Variants in ZNF546 observed in about 807,000 individuals in gnomAD.
ZNF546 encodes CTC-471F3.6.
In ZNF546, 60 loss-of-function variants were observed where a neutral mutation model predicts 76.2. The observed-to-expected ratio is 0.79, with a 90% CI of 0.64 to 0.98. The LOEUF is 0.98. Among genes scored for constraint, ZNF546 ranks in the 50% least tolerant of loss-of-function variants. The pLI is 0.00. For synonymous variants in ZNF546, 277 were observed against 328.1 expected (o/e 0.84, Z 1.68); for missense variants, 936 against 1,035.6 (o/e 0.90, Z 1.32).
Position 40,015,342 on chromosome 19 carries a change from A to T in ZNF546, c.2072A>T (p.Lys691Met), listed in dbSNP as rs1599746272. 6.2e-7 allele frequency: 1 copy of T among 1,614,194 alleles called. No homozygotes were observed. The highest frequency in any genetic ancestry group is 1.1e-5 in the South Asian group (1 of 91,084). The change falls in exon 7 of 7, where the codon AAG (lysine) becomes ATG (methionine). Residue 691 changes from lysine (K) to methionine (M), a missense_variant. Coordinates refer to ENST00000347077, the MANE Select transcript of ZNF546 (RefSeq NM_178544.5). ...CATCACAGAGGCCATACTGGTGAGA[A>T]GCCCTACATATGTAATGAATGTGGG... ...TQHHRGHTGE[K>M]PYICNECGNA...
At chr19:40,001,214 G>A (rs1971525216) in intron 3 of ZNF546, among the ~76,000 whole-genome samples, 1 of 152,190 alleles carries the variant, frequency 6.6e-6, no homozygotes. Context: ...CTCACCTTCT[G>A]CTGTGTGGCA....
rs760357913 is a variant in ZNF546, at chr19:40,015,101, T to C, written c.1831T>C (p.Cys611Arg). 3 of 1,614,068 alleles carry C rather than the reference T, an allele frequency of 1.9e-6. No homozygotes were observed. The highest frequency in any genetic ancestry group is 2.2e-5 in the East Asian group (1 of 44,876). Residue 611 changes from cysteine (C) to arginine (R), a missense_variant, in exon 7 of 7, where the codon TGT becomes CGT. Physicochemically the swap from Cys to Arg is radical, Grantham distance 180. Coordinates refer to ENST00000347077, the MANE Select transcript of ZNF546 (RefSeq NM_178544.5). ...TCATACTGGTGAAAAACCCTACATATGTAATGAATGTGGGAAAGCCTTTCG... is the reference window on the plus strand; with the variant it reads ...TCATACTGGTGAAAAACCCTACATACGTAATGAATGTGGGAAAGCCTTTCG... The part of the protein sequence containing the change: ...KIHTGEKPYI[C>R]NECGKAFRFQ...
Position 40,013,652 on chromosome 19 carries a change from T to TTC in ZNF546, c.395-12_395-11insCT. Reference sequence around the variant, plus strand: ...TGTTTACTCTTTGCTTTTTTTTTTTTTTTTTTTTGCAGATTTGGAATACAA... The same window carrying TTC: ...TGTTTACTCTTTGCTTTTTTTTTTTTTCTTTTTTTTGCAGATTTGGAATACAA... On this transcript the variant is annotated splice_polypyrimidine_tract_variant and intron_variant, in intron 6 of 6. Transcript: ENST00000347077. 7.2e-7 allele frequency: 1 copy of TTC among 1,390,510 alleles called. No individual in the cohort carries two copies. Among genetic ancestry groups the TTC allele is most frequent in the South Asian group, 1.8e-5 (1 of 56,226 alleles). 86.1% of individuals were successfully genotyped at this position (1,390,510 alleles called of 1,614,324 possible).
Position 40,014,133 on chromosome 19 carries a change from T to G in ZNF546, c.863T>G (p.Leu288Arg), listed in dbSNP as rs761522759. 2.5e-6 allele frequency: 4 copies of G among 1,614,008 alleles called. No homozygotes were observed. In the African/African-American group the frequency reaches 5.3e-5, roughly 22 times the overall value. Reference sequence around the variant, plus strand: ...AAGGCCTTTAGACTTCATTATCACCTTACTGAACATCAGAGAATACATTCT... The same window carrying G: ...AAGGCCTTTAGACTTCATTATCACCGTACTGAACATCAGAGAATACATTCT... ...CGKAFRLHYH[L>R]TEHQRIHSGV... The change falls in exon 7 of 7, where the codon CTT becomes CGT. Residue 288 changes from leucine to arginine, a missense_variant. Coordinates refer to ENST00000347077, the MANE Select transcript of ZNF546 (RefSeq NM_178544.5).
Position 40,019,020 on chromosome 19 carries a change from T to C in ZNF546, c.*3239T>C, listed in dbSNP as rs1440696212. The C allele has an allele frequency of 1.3e-5, 2 of 152,258 alleles. No individual in the cohort carries two copies. Among genetic ancestry groups the C allele is most frequent in the Admixed American group, 6.5e-5 (1 of 15,282 alleles). The allele number at this position is 152,258 out of a possible 1,614,324, so 9.4% of individuals were successfully genotyped here. ...CTTCATATGGTAATCACCAGGTTTCTCTGTTGTAGAGCTAAATATTTCTTT... is the reference window on the plus strand; with the variant it reads ...CTTCATATGGTAATCACCAGGTTTCCCTGTTGTAGAGCTAAATATTTCTTT... On this transcript the variant is annotated 3_prime_UTR_variant, in exon 7 of 7. Coordinates refer to ENST00000347077, the MANE Select transcript of ZNF546 (RefSeq NM_178544.5).
At chr19:40,005,906 A>T (rs4802067) in intron 3 of ZNF546, among the ~76,000 whole-genome samples, 190 bp from the exon 4 acceptor site, 2,350 of 152,274 alleles carry the variant, frequency 0.015, 173 homozygotes, top group Admixed American at 0.13. Flanking sequence ...TTTTGTTGTC[A>T]TCACCTGGCA....
chr19:40,015,592 G>A lies in ZNF546; in HGVS notation c.2322G>A (p.Glu774=). 6.2e-7 allele frequency: 1 copy of A among 1,613,326 alleles called. No individual in the cohort carries two copies. The highest frequency in any genetic ancestry group is 8.5e-7 in the Non-Finnish European group (1 of 1,179,820). The change falls in exon 7 of 7, where the codon GAG becomes GAA. Residue 774 remains glutamate (E), a synonymous_variant. Coordinates refer to ENST00000347077, the MANE Select transcript of ZNF546 (RefSeq NM_178544.5). ...GACATCACATAGTTCACACGGGTGA[G>A]AAACCCTATAAATGTAAAGAATGTG... The part of the protein sequence containing the change: ...LTRHHIVHTG[E]KPYKCKECGK...
rs766760233 is a variant in ZNF546 at position 40,007,380 on chromosome 19, A to G, written c.278A>G (p.Tyr93Cys). The change falls in exon 5 of 7, where the codon TAC becomes TGC. Residue 93 changes from tyrosine to cysteine, a missense_variant. Coordinates refer to ENST00000347077, the MANE Select transcript of ZNF546 (RefSeq NM_178544.5). ...TACAAGGATGTGATGTTGGAGAACT[A>G]CAGCAACCTGGTCTCACTGGGTAAG... The part of the protein sequence containing the change: ...DLYKDVMLEN[Y>C]SNLVSLGYTI... 3 of 1,601,018 alleles carry G rather than the reference A, an allele frequency of 1.9e-6. No individual in the cohort carries two copies. In the East Asian group the frequency reaches 6.8e-5, roughly 36 times the overall value.
intron 1 of ZNF546, 64 bp from the exon 2 acceptor site, chr19:39,997,797 C>CT (rs1971474341): frequency 6.3e-6 from 1 of 157,850 alleles, no homozygotes; most frequent in East Asian, 1.8e-4. Flanking sequence ...GGTCTGTGCT[C>CT]TTAAGAAAGG....
chr19:40,014,900 C>A lies in ZNF546; in HGVS notation c.1630C>A (p.His544Asn), dbSNP rs368507444. Residue 544 changes from histidine (H) to asparagine (N), a missense_variant, in exon 7 of 7, where the codon CAC (histidine) becomes AAC (asparagine). By Grantham distance (68) the His-to-Asn change is moderately conservative. Coordinates refer to ENST00000347077, the MANE Select transcript of ZNF546 (RefSeq NM_178544.5). ...TCTTCAAGGAGAACTTACCCGACAT[C>A]ACAGAATTCATACATGTGAGAAACC... ...FRLQGELTRH[H>N]RIHTCEKPYE... 1 of 1,613,918 alleles carries A rather than the reference C, an allele frequency of 6.2e-7. No homozygotes were observed. Among genetic ancestry groups the A allele is most frequent in the Non-Finnish European group, 8.5e-7 (1 of 1,179,920 alleles).
At chr19:40,007,525 G>T (rs1381986435) in intron 5 of ZNF546, 125 bp downstream of exon 5, 2 of 1,085,988 alleles carry the variant, frequency 1.8e-6, no homozygotes, top group Non-Finnish European at 2.4e-6. Flanking sequence ...CATAGTTTCA[G>T]CAGTGTTGGG....
In ZNF546 at chr19:40,006,816, A is replaced by C. The variant is rs1016625361; in HGVS notation, c.172-458A>C. Among the ~76,000 whole-genome samples, 4 of 152,224 alleles carry C rather than the reference A, an allele frequency of 2.6e-5. No homozygotes were observed. The East Asian group carries it at 7.7e-4, about 29-fold the overall frequency. ...CTGCTGTATCTTTAAGATGGATGATATTATTAGCTAGCCAATAAATATACT... is the reference window on the plus strand; with the variant it reads ...CTGCTGTATCTTTAAGATGGATGATCTTATTAGCTAGCCAATAAATATACT... On this transcript the variant is annotated intron_variant, in intron 4 of 6. Transcript: ENST00000347077.
chr19:40,006,243 T>C (rs1297529279), intron 4 of ZNF546, 61 bp downstream of exon 4: 14 of 1,469,108 alleles, frequency 9.5e-6, no homozygotes, highest in Non-Finnish European at 1.3e-5. Context: ...ATCATTGAAG[T>C]CTCGTTATCT....
chr19:40,015,354 G>A lies in ZNF546; in HGVS notation c.2084G>A (p.Cys695Tyr). Residue 695 changes from cysteine to tyrosine, a missense_variant, in exon 7 of 7, where the codon TGT becomes TAT. Physicochemically the swap from Cys to Tyr is radical, Grantham distance 194. Transcript: ENST00000347077. ...RGHTGEKPYI[C>Y]NECGNAFICS... ...CATACTGGTGAGAAGCCCTACATAT[G>A]TAATGAATGTGGGAATGCTTTTATT... is the stretch of plus-strand genomic sequence containing the variant. 1 of 1,614,142 alleles carries A rather than the reference G, an allele frequency of 6.2e-7. No homozygotes were observed. Among genetic ancestry groups the A allele is most frequent in the Non-Finnish European group, 8.5e-7 (1 of 1,180,024 alleles).
rs777729049 is a variant in ZNF546 at position 40,013,749 on chromosome 19, A to G, written c.479A>G (p.Glu160Gly). 4 of 1,609,600 alleles carry G rather than the reference A, an allele frequency of 2.5e-6. No individual in the cohort carries two copies. Among genetic ancestry groups the G allele is most frequent in the South Asian group, 2.2e-5 (2 of 90,374 alleles). ...TATTTATCTCAATTGCAGACAGGGG[A>G]AAAAAGTAAAAACACCATCCATGAG... is the stretch of plus-strand genomic sequence containing the variant. ...KIYLSQLQTG[E>G]KSKNTIHEDT... Residue 160 changes from glutamate (E) to glycine (G), a missense_variant, in exon 7 of 7, where the codon GAA (glutamate) becomes GGA (glycine). Coordinates refer to ENST00000347077, the MANE Select transcript of ZNF546 (RefSeq NM_178544.5).
chr19:40,013,739 CA>C lies in ZNF546; in HGVS notation c.470del (p.Gln157ArgfsTer41). On this transcript the variant is annotated frameshift_variant, in exon 7 of 7. Transcript: ENST00000347077. LOFTEE classifies it high-confidence loss of function. ...TTGCAAAATCTATTTATCTCAATTG[CA>C]GACAGGGGAAAAAAGTAAAAACACC... is the stretch of plus-strand genomic sequence containing the variant. ...NVCKIYLSQL[Q>X]TGEKSKNTIH... 1 of 1,605,144 alleles carries C rather than the reference CA, an allele frequency of 6.2e-7. No individual in the cohort carries two copies. Among genetic ancestry groups the C allele is most frequent in the Non-Finnish European group, 8.5e-7 (1 of 1,177,392 alleles).
At chr19:40,008,641 T>C (rs1300335854) in intron 6 of ZNF546, 76 bp downstream of exon 6, 2 of 1,184,338 alleles carry the variant, frequency 1.7e-6, no homozygotes, top group East Asian at 4.7e-5. Flanking sequence ...GGCACAGCAC[T>C]GAGTTGTTTG....
rs1568388469 is a variant in ZNF546, at chr19:40,014,254, T to TTATG, written c.985_988dup (p.Glu330ValfsTer2). ...AGACAATTCATGCTGGAGAGAGACC[T>TTATG]TATGAATGTAAAGAATGTGGGAAGG... is the stretch of plus-strand genomic sequence containing the variant. On this transcript the variant is annotated frameshift_variant, in exon 7 of 7. Transcript: ENST00000347077. LOFTEE classifies it high-confidence loss of function. 3.1e-6 allele frequency: 5 copies of TTATG among 1,611,938 alleles called. No individual in the cohort carries two copies. Among genetic ancestry groups the TTATG allele is most frequent in the Non-Finnish European group, 4.2e-6 (5 of 1,179,148 alleles).
In ZNF546 at chr19:40,007,543, T is replaced by G. The variant is rs1000308853; in HGVS notation, c.298+143T>G. 1.1e-5 allele frequency: 9 copies of G among 825,854 alleles called. No individual in the cohort carries two copies. In the African/African-American group the frequency reaches 1.6e-4, roughly 15 times the overall value. The allele number at this position is 825,854 out of a possible 1,614,324, so 51.2% of individuals were successfully genotyped here. ...AGTTTCAGCAGTGTTGGGGTGGAAA[T>G]GGGCACCTGTGTTAAGCAACTTCAC... is the stretch of plus-strand genomic sequence containing the variant. On this transcript the variant is annotated intron_variant, in intron 5 of 6. Coordinates refer to ENST00000347077, the MANE Select transcript of ZNF546 (RefSeq NM_178544.5).
Sources: allele counts gnomAD v4.1 joint callset (sites outside exome capture counted in the v4.1 genomes callset), GRCh38; gene constraint gnomAD v4.1.1; transcripts MANE v1.5; gene names NCBI Gene and HGNC (gene_info 2026-07-23, HGNC 2026-07-21).